PDCD6: variants seen among roughly 807,000 people sequenced by gnomAD.
PDCD6 encodes programmed cell death protein 6.
PDCD6 carries 12 observed loss-of-function variants against 28.3 expected under a neutral mutation model. The ratio of observed to expected loss-of-function variants is 0.42; its 90% CI spans 0.27 to 0.69. The LOEUF is 0.69. Among genes scored for constraint, PDCD6 ranks in the 30% least tolerant of loss-of-function variants. The pLI, the probability that PDCD6 is intolerant of heterozygous loss-of-function variation, is 0.22. For synonymous variants in PDCD6, 92 were observed against 108.0 expected, an observed-to-expected ratio of 0.85 and a Z score of 0.92; for missense variants, 226 against 269.9, an observed-to-expected ratio of 0.84 and a Z score of 1.14.
intron 2 of PDCD6, among the ~76,000 whole-genome samples, chr5:298,191 C>T (rs964783241): frequency 1.3e-5 from 2 of 152,184 alleles, no homozygotes; most frequent in African/African-American, 4.8e-5. Flanking sequence ...TGGGGGCCCC[C>T]ATAGCCCCAC....
At position 314,567 on chromosome 5, in the gene PDCD6, A is replaced by G. The variant is rs763545735; in HGVS notation, c.*52A>G. 2 of 1,282,982 alleles carry G rather than the reference A, an allele frequency of 1.6e-6. No individual in the cohort carries two copies. Among genetic ancestry groups the G allele is most frequent in the East Asian group, 2.3e-5 (1 of 43,372 alleles). 79.5% of individuals were successfully genotyped at this position (1,282,982 alleles called of 1,614,324 possible). A position where few individuals can be genotyped will look rare whatever the true frequency, so the allele number is the denominator to read the frequency against. The stretch of plus-strand genomic sequence containing the variant: ...AACATGGAAAGAGCCAAAATGTCAC[A>G]GTTCCTATCTGTGAGGGAATGGAGC... On this transcript the variant is annotated 3_prime_UTR_variant, in exon 6 of 6. Coordinates refer to ENST00000264933, the MANE Select transcript of PDCD6 (RefSeq NM_013232.4).
intron 2 of PDCD6, among the ~76,000 whole-genome samples, chr5:278,791 G>A (rs1402320464): frequency 1.4e-5 from 2 of 146,896 alleles, no homozygotes; most frequent in Non-Finnish European, 3.0e-5. Flanking sequence ...GGGACACAGG[G>A]GAGGGTGCTG....
At chr5:301,581 C>T (rs1386748724) in intron 2 of PDCD6, among the ~76,000 whole-genome samples, 1 of 152,254 alleles carries the variant, frequency 6.6e-6, no homozygotes, top group Non-Finnish European at 1.5e-5. Context: ...AACAGATGCT[C>T]GTCGAGTGCT....
At chr5:274,281 C>T (rs1228407055) in intron 2 of PDCD6, among the ~76,000 whole-genome samples, 2 of 152,204 alleles carry the variant, frequency 1.3e-5, no homozygotes, top group African/African-American at 2.4e-5. Context: ...GCTTTTTATG[C>T]ATTTGCTCTA....
In PDCD6 at chr5:290,200, C is replaced by A. The variant is rs1187617229; in HGVS notation, c.164-13977C>A. The A allele has an allele frequency of 1.9e-6, 3 of 1,573,138 alleles. No individual in the cohort carries two copies. The East Asian group carries it at 6.7e-5, about 35-fold the overall frequency. On this transcript the variant is annotated intron_variant, in intron 2 of 5. Coordinates refer to ENST00000264933, the MANE Select transcript of PDCD6 (RefSeq NM_013232.4). ...AATAAAATAGCCTTTAAATTGGGAC[C>A]ACTGAATCTGTTTCTCCAGTCTTGG...
At chr5:304,568 T>A (rs1332378508) in intron 3 of PDCD6, 2 of 158,238 alleles carry the variant, frequency 1.3e-5, no homozygotes, top group African/African-American at 4.9e-5. Context: ...ATTTTTGTGA[T>A]TCCATTCTTT....
intron 2 of PDCD6, among the ~76,000 whole-genome samples, chr5:301,024 C>T (rs1185174151): frequency 1.3e-5 from 2 of 152,228 alleles, no homozygotes; most frequent in South Asian, 2.1e-4. Flanking sequence ...GTGTTTTAAC[C>T]TGTGTTGCTT....
intron 4 of PDCD6, chr5:310,072 TCCCTGTGGG>T: frequency 4.0e-6 from 1 of 251,692 alleles, no homozygotes; most frequent in Non-Finnish European, 7.8e-6. Context: ...ACAGGCAATG[TCCCTGTGGG>T]CCTGTCCCAG....
In PDCD6 at chr5:282,403, C is replaced by T. The variant is rs374745040; in HGVS notation, c.163+9631C>T. Among the ~76,000 whole-genome samples, 10 of 151,002 alleles carry T rather than the reference C, an allele frequency of 6.6e-5. No homozygotes were observed. In the East Asian group the frequency reaches 1.2e-3, roughly 18 times the overall value. ...GGAGCTGATGTTGTAGTTTGAGCATCTTGCCAGCTGCAAACCCGGAGAGAA... is the reference window on the plus strand; with the variant it reads ...GGAGCTGATGTTGTAGTTTGAGCATTTTGCCAGCTGCAAACCCGGAGAGAA... On this transcript the variant is annotated intron_variant, in intron 2 of 5. Coordinates refer to ENST00000264933, the MANE Select transcript of PDCD6 (RefSeq NM_013232.4).
chr5:288,308 A>G (rs1416123014), intron 2 of PDCD6, among the ~76,000 whole-genome samples: 1 of 117,504 alleles, frequency 8.5e-6, no homozygotes, highest in Non-Finnish European at 2.0e-5. Flanking sequence ...ATATATATAT[A>G]TATACACATA....
rs1377416490 is a variant in PDCD6 at position 305,550 on chromosome 5, G to A, written c.209-1052G>A. 2 of 152,146 alleles carry A rather than the reference G, an allele frequency of 1.3e-5. No homozygotes were observed. Among genetic ancestry groups the A allele is most frequent in the South Asian group, 2.1e-4 (1 of 4,824 alleles). 9.4% of individuals were successfully genotyped at this position (152,146 alleles called of 1,614,324 possible). ...ATACATGGGGAGCTACCTCCCCACC[G>A]GAGAGGAATGGCCTGGGAGCCACTC... is the stretch of plus-strand genomic sequence containing the variant. On this transcript the variant is annotated intron_variant, in intron 3 of 5. Coordinates refer to ENST00000264933, the MANE Select transcript of PDCD6 (RefSeq NM_013232.4). This position sits in a 1 kb window ranked among gnomAD's most constrained non-coding sequence, Gnocchi z 4.0.
chr5:287,776 C>T (rs543689095), intron 2 of PDCD6, among the ~76,000 whole-genome samples: 25 of 152,298 alleles, frequency 1.6e-4, no homozygotes, highest in Admixed American at 3.9e-4. Flanking sequence ...AGCTCAGGTA[C>T]ATATTAAAGT....
chr5:300,395 G>A lies in PDCD6; in HGVS notation c.164-3782G>A, dbSNP rs141432853. Among the ~76,000 whole-genome samples, 2,323 of 152,336 alleles carry A rather than the reference G, an allele frequency of 0.015. 115 individuals carry two copies. In the East Asian group the frequency reaches 0.17, roughly 11 times the overall value. ...CTCCGCTGGGAGGGACTCTGGAAGC[G>A]CCTGGCTTCCCTGGCAGCCCTTTCC... On this transcript the variant is annotated intron_variant, in intron 2 of 5. Coordinates refer to ENST00000264933, the MANE Select transcript of PDCD6 (RefSeq NM_013232.4).
Position 314,898 on chromosome 5 carries a change from CCTTA to C in PDCD6, c.*387_*390del, listed in dbSNP as rs955374490. ...ACTTACACAAAAGGCTTTTCATGTGCCTTACTTTTTTAAAAAGGAGTTTATTGTA... is the reference window on the plus strand; with the variant it reads ...ACTTACACAAAAGGCTTTTCATGTGCCTTTTTTAAAAAGGAGTTTATTGTA... On this transcript the variant is annotated 3_prime_UTR_variant, in exon 6 of 6. Transcript: ENST00000264933. 4 of 336,626 alleles carry C rather than the reference CCTTA, an allele frequency of 1.2e-5. No homozygotes were observed. Among genetic ancestry groups the C allele is most frequent in the African/African-American group, 4.3e-5 (2 of 46,642 alleles). The allele number at this position is 336,626 out of a possible 1,614,324, so 20.9% of individuals were successfully genotyped here.
chr5:309,566 T>TGTCCCCGTGCACCCCAGTGAGGGCCGCC (rs1740756625), intron 4 of PDCD6: 1 of 206,696 alleles, frequency 4.8e-6, no homozygotes, highest in African/African-American at 2.7e-5. Context: ...TAATGACCTC[T>TGTCCCCGTGCACCCCAGTGAGGGCCGCC]GTCCCCGTGC....
intron 2 of PDCD6, among the ~76,000 whole-genome samples, chr5:300,577 A>G (rs1322870033): frequency 1.3e-5 from 2 of 152,252 alleles, no homozygotes; most frequent in African/African-American, 4.8e-5. Context: ...GGCAAAGCAC[A>G]GCATCTACTT....
At chr5:301,927 C>G (rs1253111709) in intron 2 of PDCD6, among the ~76,000 whole-genome samples, 2 of 148,502 alleles carry the variant, frequency 1.3e-5, no homozygotes, top group African/African-American at 2.5e-5. Context: ...GTGGGAAGAG[C>G]ACAGCTTCCC....
chr5:287,348 G>A (rs1162196247), intron 2 of PDCD6, among the ~76,000 whole-genome samples: 2 of 152,218 alleles, frequency 1.3e-5, no homozygotes, highest in East Asian at 1.9e-4. Context: ...GTTTCAGGAC[G>A]CCACTTGAAA....
chr5:310,956 G>T, intron 4 of PDCD6: 1 of 273,974 alleles, frequency 3.6e-6, no homozygotes. Context: ...AGGAAACTGA[G>T]TGTGGCCGCC....
Sources: gnomAD v4.1 joint callset for allele counts (sites outside exome capture counted in the v4.1 genomes callset) on GRCh38, gnomAD v4.1.1 for gene constraint, Gnocchi (gnomAD v3.1) non-coding constraint, MANE v1.5 for transcripts, NCBI Gene and HGNC (gene_info 2026-07-23, HGNC 2026-07-21) for gene names.